The following EML6 variants were observed in gnomAD, a reference collection of about 807,000 sequenced individuals.
EML6 encodes echinoderm microtubule-associated protein-like 6.
Under a neutral mutation model 240.1 loss-of-function variants are expected in EML6, and 154 were observed. That is an observed-to-expected ratio of 0.64 (90% confidence interval 0.56 to 0.73). The LOEUF (loss-of-function observed/expected upper bound fraction) is 0.73. Ranked by LOEUF, EML6 falls within the 30% of genes least tolerant of loss-of-function variation. EML6 has a pLI of 0.00. For missense variants in EML6, 2,964 were observed against 2,474.6 expected (o/e 1.20, Z -4.20); for synonymous variants, 1,148 against 899.0 (o/e 1.28, Z -4.95).
chr2:54,896,612 A>T (rs979956254), intron 21 of EML6, among the ~76,000 whole-genome samples: 2 of 152,132 alleles, frequency 1.3e-5, no homozygotes, highest in Admixed American at 1.3e-4. Context: ...GAAGTTGGAG[A>T]GAAAAGAAAA....
At chr2:54,729,131 G>A (rs1683042921) in intron 2 of EML6, among the ~76,000 whole-genome samples, 1 of 152,208 alleles carries the variant, frequency 6.6e-6, no homozygotes. Flanking sequence ...GAGTTTTAAA[G>A]TATCTCCTTT....
rs887193526 is a variant in EML6 at position 54,949,803 on chromosome 2, C to A, written c.4083+843C>A. 2.0e-5 allele frequency among the ~76,000 whole-genome samples: 3 copies of A among 152,240 alleles called. No individual in the cohort carries two copies. The South Asian group carries it at 6.2e-4, about 31-fold the overall frequency. ...CAGTGCAAATCTCTGGCCCCCCAAA[C>A]CCACCGCTAGTGTTCTCGGAAGCTG... On this transcript the variant is annotated intron_variant, in intron 29 of 41. Coordinates refer to ENST00000356458, the MANE Select transcript of EML6 (RefSeq NM_001039753.4).
intron 35 of EML6, 110 bp downstream of exon 35, chr2:54,960,444 C>T (rs747206386): frequency 2.5e-4 from 189 of 753,432 alleles, no homozygotes; most frequent in Non-Finnish European, 4.0e-4. Context: ...GAAACAAGGC[C>T]TCAATACATG....
chr2:54,819,799 G>C (rs1314169160), intron 4 of EML6, among the ~76,000 whole-genome samples: 9 of 144,440 alleles, frequency 6.2e-5, no homozygotes, highest in Non-Finnish European at 1.4e-4. Context: ...AAGACAAATA[G>C]TAGTTGCAGA....
chr2:54,953,885 T>TAAA (rs34371058), intron 31 of EML6, 98 bp from the exon 32 acceptor site: 670 of 799,010 alleles, frequency 8.4e-4, no homozygotes, highest in Non-Finnish European at 1.1e-3. Flanking sequence ...AGACTCTGTC[T>TAAA]AAAAAAAAAA....
intron 2 of EML6, among the ~76,000 whole-genome samples, chr2:54,760,479 T>G (rs1337187422): frequency 6.6e-6 from 1 of 152,132 alleles, no homozygotes; most frequent in African/African-American, 2.4e-5. Flanking sequence ...AGAGTGGCCC[T>G]CTAGGGAGAT....
intron 2 of EML6, among the ~76,000 whole-genome samples, chr2:54,808,522 CCAAAAACAAAA>C (rs1301385390): frequency 1.3e-5 from 2 of 148,390 alleles, no homozygotes; most frequent in Non-Finnish European, 3.0e-5. Flanking sequence ...TTTTTTTTTT[CCAAAAACAAAA>C]CAAAAACAAA....
intron 22 of EML6, among the ~76,000 whole-genome samples, chr2:54,902,546 G>A (rs1263469111): frequency 6.6e-6 from 1 of 151,710 alleles, no homozygotes; most frequent in East Asian, 1.9e-4. Flanking sequence ...TTACAGGCAT[G>A]TGCCACTATT....
At chr2:54,923,959 GTTCA>G (rs1558690411) in intron 26 of EML6, among the ~76,000 whole-genome samples, 1 of 152,142 alleles carries the variant, frequency 6.6e-6, no homozygotes, top group Non-Finnish European at 1.5e-5. Context: ...CATAATAATA[GTTCA>G]TTCATTTTCA....
At chr2:54,866,741 C>G in intron 13 of EML6, 25 bp from the exon 14 acceptor site, 2 of 1,414,752 alleles carry the variant, frequency 1.4e-6, no homozygotes, top group East Asian at 2.5e-5. Context: ...GGCATCTCAC[C>G]CAGATGTTTC....
chr2:54,933,733 A>C lies in EML6; in HGVS notation c.4004+4982A>C, dbSNP rs560849853. Among the ~76,000 whole-genome samples the C allele has an allele frequency of 2.2e-3, 338 of 152,266 alleles. 1 individual carries two copies. The highest frequency in any genetic ancestry group is 9.5e-3 in the South Asian group (46 of 4,822). On this transcript the variant is annotated intron_variant, in intron 28 of 41. Transcript: ENST00000356458. ...GGTGACAGAGTGAGACTCTGCCTCA[A>C]AAAGAAAGAAAAAAAAACCCACTAA...
At chr2:54,778,067 A>T (rs1190468528) in intron 2 of EML6, among the ~76,000 whole-genome samples, 1 of 152,170 alleles carries the variant, frequency 6.6e-6, no homozygotes, top group East Asian at 1.9e-4. Context: ...TAATGTCTTG[A>T]CTTTCTGTTT....
intron 25 of EML6, among the ~76,000 whole-genome samples, chr2:54,913,616 G>A (rs987527517): frequency 1.3e-5 from 2 of 152,074 alleles, no homozygotes; most frequent in Non-Finnish European, 2.9e-5. Flanking sequence ...TTTCTCTGTC[G>A]ATATTTTCTT....
At chr2:54,948,810 A>G in intron 28 of EML6, 72 bp from the exon 29 acceptor site, 5 of 1,217,424 alleles carry the variant, frequency 4.1e-6, no homozygotes, top group Non-Finnish European at 5.9e-6. Flanking sequence ...TGGCCTAGAC[A>G]GGCCACACCG....
At chr2:54,958,033 C>T (rs558478822) in intron 33 of EML6, 35 bp downstream of exon 33, 268 of 1,520,372 alleles carry the variant, frequency 1.8e-4, no homozygotes, top group Non-Finnish European at 1.2e-4. Flanking sequence ...AGAAGGGGAC[C>T]CAGACCCCCT....
intron 2 of EML6, among the ~76,000 whole-genome samples, chr2:54,745,685 G>T (rs1006030629): frequency 6.6e-6 from 1 of 152,152 alleles, no homozygotes; most frequent in Non-Finnish European, 1.5e-5. Context: ...GGAGGCTGAG[G>T]AGAGAGTATT....
intron 12 of EML6, among the ~76,000 whole-genome samples, chr2:54,861,386 C>G (rs1404190640): frequency 2.6e-5 from 4 of 152,168 alleles, no homozygotes; most frequent in African/African-American, 7.2e-5. Context: ...GGGCCCACTT[C>G]AGGAGTTATC....
chr2:54,855,630 A>G (rs1173968621), intron 11 of EML6, among the ~76,000 whole-genome samples: 5 of 152,158 alleles, frequency 3.3e-5, no homozygotes, highest in African/African-American at 1.2e-4. Flanking sequence ...ATGAATGAGG[A>G]GAGATGGACA....
intron 3 of EML6, among the ~76,000 whole-genome samples, chr2:54,815,864 T>C (rs1286733110): frequency 6.6e-6 from 1 of 152,218 alleles, no homozygotes; most frequent in Admixed American, 6.5e-5. Flanking sequence ...ATGTACTCAG[T>C]ACTCACACAC....
Sources: gnomAD v4.1 joint callset for allele counts (sites outside exome capture counted in the v4.1 genomes callset) on GRCh38, gnomAD v4.1.1 for gene constraint, MANE v1.5 for transcripts, NCBI Gene and HGNC (gene_info 2026-07-23, HGNC 2026-07-21) for gene names.